ABI2: variants seen among roughly 807,000 people sequenced by gnomAD.
ABI2 encodes the protein abelson interactor 2.
ABI2 carries 25 observed loss-of-function variants against 59.2 expected under a neutral mutation model. The ratio of observed to expected loss-of-function variants is 0.42; its 90% CI spans 0.31 to 0.59. The LOEUF (loss-of-function observed/expected upper bound fraction) is 0.59, where lower values mean the gene tolerates loss of function less well. Among genes scored for constraint, ABI2 ranks in the 20% least tolerant of loss-of-function variants. The pLI is 0.14. For missense variants in ABI2, 545 were observed against 681.8 expected (o/e 0.80, Z 2.23); for synonymous variants, 213 against 235.5 (o/e 0.90, Z 0.87).
chr2:203,411,094 T>TA (rs982119903), intron 9 of ABI2, among the ~76,000 whole-genome samples, 191 bp from the exon 10 acceptor site: 9 of 152,076 alleles, frequency 5.9e-5, no homozygotes, highest in African/African-American at 2.2e-4. Context: ...TTCAAAAACT[T>TA]ACTAAAAATT....
At chr2:203,423,357 T>A (rs1396446841) in intron 11 of ABI2, among the ~76,000 whole-genome samples, 1 of 152,148 alleles carries the variant, frequency 6.6e-6, no homozygotes, top group African/African-American at 2.4e-5. Flanking sequence ...GAGTTTATAG[T>A]GTAGAGAGTT....
intron 2 of ABI2, chr2:203,374,866 G>C (rs2095577389): frequency 2.2e-6 from 1 of 454,272 alleles, no homozygotes; most frequent in Admixed American, 2.4e-5. Flanking sequence ...GTGCTATCCA[G>C]TACAGTCAAC....
chr2:203,403,452 C>T (rs1217429203), intron 9 of ABI2: 1 of 154,626 alleles, frequency 6.5e-6, no homozygotes, highest in African/African-American at 2.4e-5. Flanking sequence ...CAACTCATTC[C>T]ATTTTTGATA....
Position 203,427,479 on chromosome 2 carries a change from T to C in ABI2, c.*127T>C. 2 of 899,382 alleles carry C rather than the reference T, an allele frequency of 2.2e-6. No homozygotes were observed. The highest frequency in any genetic ancestry group is 1.6e-6 in the Non-Finnish European group (1 of 618,632). 55.7% of individuals were successfully genotyped at this position (899,382 alleles called of 1,614,324 possible). On this transcript the variant is annotated 3_prime_UTR_variant, in exon 12 of 12. Transcript: ENST00000261018. Reference sequence around the variant, plus strand: ...AAATGATAAAAATTACACTTTTTTTTTTGGTTTATTCCCCAGTATTAAAAA... The same window carrying C: ...AAATGATAAAAATTACACTTTTTTTCTTGGTTTATTCCCCAGTATTAAAAA...
chr2:203,426,291 TGAAGAGG>T (rs2098423268), intron 11 of ABI2, among the ~76,000 whole-genome samples: 1 of 152,092 alleles, frequency 6.6e-6, no homozygotes. Context: ...GTACAGAAGA[TGAAGAGG>T]TTGGAGCAAA....
chr2:203,351,962 C>T (rs1275860801), intron 1 of ABI2, among the ~76,000 whole-genome samples: 2 of 152,190 alleles, frequency 1.3e-5, no homozygotes, highest in African/African-American at 4.8e-5. Context: ...CACCTAGTGA[C>T]ATGGTAGCCG....
rs2098010845 is a variant in ABI2 at position 203,418,399 on chromosome 2, GCAGTGATCT to G, written c.1453+1322_1453+1330del. Among the ~76,000 whole-genome samples, 4 of 152,240 alleles carry G rather than the reference GCAGTGATCT, an allele frequency of 2.6e-5. No individual in the cohort carries two copies. In the South Asian group the frequency reaches 8.3e-4, roughly 31 times the overall value. ...TGCAATCAAGGTATCAGCTGAGGCTGCAGTGATCTCAGGGCTTGACTGAGGGAGACTGCT... is the reference window on the plus strand; with the variant it reads ...TGCAATCAAGGTATCAGCTGAGGCTGCAGGGCTTGACTGAGGGAGACTGCT... On this transcript the variant is annotated intron_variant, in intron 11 of 11. Coordinates refer to ENST00000261018, the MANE Select transcript of ABI2 (RefSeq NM_001375670.1).
At chr2:203,328,877 T>TCCTCGCCGCTCCCGCCC (rs2070459995) in intron 1 of ABI2, 5 of 305,332 alleles carry the variant, frequency 1.6e-5, no homozygotes, top group Non-Finnish European at 3.0e-5. Context: ...GCGTCCCGCC[T>TCCTCGCCGCTCCCGCCC]CCTCGCCGCT....
At chr2:203,379,371 T>C (rs1578098589) in intron 2 of ABI2, among the ~76,000 whole-genome samples, 1 of 152,202 alleles carries the variant, frequency 6.6e-6, no homozygotes, top group East Asian at 1.9e-4. Context: ...TTTCAGCCTC[T>C]CAGTTAGCTG....
At chr2:203,335,990 T>C (rs1335586960) in intron 1 of ABI2, among the ~76,000 whole-genome samples, 1 of 152,212 alleles carries the variant, frequency 6.6e-6, no homozygotes, top group Non-Finnish European at 1.5e-5. Flanking sequence ...ACTGATATAT[T>C]TTCTGTCCCT....
intron 9 of ABI2, among the ~76,000 whole-genome samples, chr2:203,405,638 T>C (rs1357162927): frequency 6.6e-6 from 1 of 152,240 alleles, no homozygotes; most frequent in African/African-American, 2.4e-5. Context: ...TGAGAATATT[T>C]GTTGTGCTTT....
chr2:203,419,072 T>A (rs2153561288), intron 11 of ABI2, among the ~76,000 whole-genome samples: 1 of 152,004 alleles, frequency 6.6e-6, no homozygotes, highest in East Asian at 1.9e-4. Flanking sequence ...CAGTGTTCTT[T>A]ACTTAGCAAA....
chr2:203,412,166 T>G (rs1214351419), intron 10 of ABI2, among the ~76,000 whole-genome samples: 1 of 152,186 alleles, frequency 6.6e-6, no homozygotes, highest in East Asian at 1.9e-4. Flanking sequence ...ACTTCACTGG[T>G]GGGGTAGAAA....
rs191039143 is a variant in ABI2 at position 203,343,278 on chromosome 2, C to T, written c.117+14647C>T. Among the ~76,000 whole-genome samples the T allele has an allele frequency of 6.6e-5, 10 of 152,290 alleles. No homozygotes were observed. In the South Asian group the frequency reaches 1.4e-3, roughly 22 times the overall value. On this transcript the variant is annotated intron_variant, in intron 1 of 11. Transcript: ENST00000261018. Reference sequence around the variant, plus strand: ...ACTCGGGAGGTTGAAGCAGGAGAATCGCATGAACTCGGGAAGCGGAGGTTG... The same window carrying T: ...ACTCGGGAGGTTGAAGCAGGAGAATTGCATGAACTCGGGAAGCGGAGGTTG...
intron 1 of ABI2, among the ~76,000 whole-genome samples, chr2:203,356,054 T>A (rs1182872007): frequency 6.6e-6 from 1 of 152,106 alleles, no homozygotes; most frequent in Non-Finnish European, 1.5e-5. Context: ...ATAGTTTTTT[T>A]TCTCTCTCTC....
At chr2:203,373,139 C>T (rs939266748) in intron 2 of ABI2, among the ~76,000 whole-genome samples, 1 of 148,296 alleles carries the variant, frequency 6.7e-6, no homozygotes, top group African/African-American at 2.5e-5. Flanking sequence ...TGTAGCGAGC[C>T]GAGATCACGC....
intron 4 of ABI2, among the ~76,000 whole-genome samples, chr2:203,382,894 T>C (rs761499316): frequency 4.6e-5 from 7 of 152,322 alleles, no homozygotes; most frequent in Middle Eastern, 6.8e-3. Flanking sequence ...AAGCTCATGA[T>C]AATGTTTAAC....
In ABI2 at chr2:203,427,202, A is replaced by G; in HGVS notation, c.1479A>G (p.Lys493=). ...EKVVAIYDYT[K]DKEDELSFQE... ...TTGTGGCAATTTATGACTATACAAA[A>G]GACAAGGAAGATGAGCTGTCCTTTC... Residue 493 remains lysine, a synonymous_variant, in exon 12 of 12, where the codon AAA becomes AAG. Coordinates refer to ENST00000261018, the MANE Select transcript of ABI2 (RefSeq NM_001375670.1). 6.2e-7 allele frequency: 1 copy of G among 1,614,042 alleles called. No homozygotes were observed. The highest frequency in any genetic ancestry group is 8.5e-7 in the Non-Finnish European group (1 of 1,179,988).
intron 1 of ABI2, among the ~76,000 whole-genome samples, chr2:203,357,256 A>G (rs1239320507): frequency 6.6e-6 from 1 of 152,240 alleles, no homozygotes; most frequent in Non-Finnish European, 1.5e-5. Context: ...TCCTTTTAAT[A>G]TAACATATGG....
Sources: allele counts gnomAD v4.1 joint callset (sites outside exome capture counted in the v4.1 genomes callset), GRCh38; gene constraint gnomAD v4.1.1; transcripts MANE v1.5; gene names NCBI Gene and HGNC (gene_info 2026-07-23, HGNC 2026-07-21).